Variants in PDS5B observed in about 807,000 individuals in gnomAD.
The protein encoded by PDS5B is PDS5 cohesin associated factor B, also known as sister chromatid cohesion protein PDS5 homolog B.
In PDS5B, 51 loss-of-function variants were observed where a neutral mutation model predicts 184.1. The observed-to-expected ratio is 0.28, with a 90% CI of 0.22 to 0.35. The LOEUF is 0.35. PDS5B is among the 10% of genes least tolerant of loss of function. The pLI, the probability that PDS5B is intolerant of heterozygous loss-of-function variation, is 1.00. For synonymous variants in PDS5B, 566 were observed against 569.2 expected, an observed-to-expected ratio of 0.99 and a Z score of 0.08; for missense variants, 1,180 against 1,723.3, an observed-to-expected ratio of 0.68 and a Z score of 5.58.
At chr13:32,716,963 G>A (rs1423395825) in intron 19 of PDS5B, among the ~76,000 whole-genome samples, 1 of 119,410 alleles carries the variant, frequency 8.4e-6, no homozygotes, top group African/African-American at 3.3e-5. Context: ...CGTCCGGGAG[G>A]GAGGTGGGGG....
chr13:32,724,122 G>T (rs1298624601), intron 19 of PDS5B, among the ~76,000 whole-genome samples: 1 of 152,074 alleles, frequency 6.6e-6, no homozygotes, highest in African/African-American at 2.4e-5. Context: ...ATGTGTTTTT[G>T]TTGTTGTTGT....
intron 11 of PDS5B, among the ~76,000 whole-genome samples, chr13:32,686,492 T>G (rs1322033007): frequency 6.6e-6 from 1 of 152,192 alleles, no homozygotes; most frequent in Non-Finnish European, 1.5e-5. Flanking sequence ...TTTTAATGTT[T>G]GGTTTCTTGA....
At chr13:32,606,511 G>A (rs1009506819) in intron 1 of PDS5B, among the ~76,000 whole-genome samples, 7 of 152,050 alleles carry the variant, frequency 4.6e-5, no homozygotes, top group African/African-American at 1.4e-4. Flanking sequence ...TTTTTCCTTT[G>A]TTTCAACTTT....
At chr13:32,633,729 A>G (rs1349085275) in intron 1 of PDS5B, among the ~76,000 whole-genome samples, 2 of 152,104 alleles carry the variant, frequency 1.3e-5, no homozygotes, top group Non-Finnish European at 2.9e-5. Context: ...CAGTTTACTC[A>G]TTATTAATAT....
intron 25 of PDS5B, among the ~76,000 whole-genome samples, chr13:32,754,819 T>TG (rs1222385997): frequency 6.6e-6 from 1 of 152,166 alleles, no homozygotes; most frequent in Non-Finnish European, 1.5e-5. Flanking sequence ...TGTTAGCCAT[T>TG]CTTATTTTGG....
chr13:32,608,067 A>G (rs1273506991), intron 1 of PDS5B, among the ~76,000 whole-genome samples: 1 of 152,182 alleles, frequency 6.6e-6, no homozygotes, highest in African/African-American at 2.4e-5. Context: ...GACAAGCCCC[A>G]GTGAGATGAA....
At chr13:32,655,374 A>ATATATTTTTTTTTTT in intron 3 of PDS5B, among the ~76,000 whole-genome samples, 1 of 72,484 alleles carries the variant, frequency 1.4e-5, no homozygotes, top group Non-Finnish European at 2.2e-5. Context: ...ATATATATAT[A>ATATATTTTTTTTTTT]TTTTTTTTTT....
chr13:32,640,823 G>T (rs1038763949), intron 1 of PDS5B, among the ~76,000 whole-genome samples: 2 of 151,788 alleles, frequency 1.3e-5, no homozygotes, highest in East Asian at 1.9e-4. Flanking sequence ...GGGAGGCCGA[G>T]GCAGGCAGAT....
chr13:32,770,840 C>G (rs1012859465), intron 33 of PDS5B, 79 bp downstream of exon 33: 5 of 1,045,126 alleles, frequency 4.8e-6, no homozygotes, highest in Non-Finnish European at 5.7e-6. Context: ...ATACATATTG[C>G]TGTATTTAAA....
chr13:32,726,247 C>T (rs931248297), intron 19 of PDS5B, among the ~76,000 whole-genome samples: 1 of 151,888 alleles, frequency 6.6e-6, no homozygotes, highest in African/African-American at 2.4e-5. Context: ...CACTTTTCTT[C>T]ACCTTTTTTC....
chr13:32,708,771 A>G (rs1952110151), intron 18 of PDS5B, among the ~76,000 whole-genome samples: 1 of 151,708 alleles, frequency 6.6e-6, no homozygotes, highest in Admixed American at 6.6e-5. Context: ...ATCTACTGAC[A>G]TCTCTATCTT....
intron 25 of PDS5B, 142 bp downstream of exon 25, chr13:32,753,678 C>A: frequency 1.7e-6 from 1 of 574,338 alleles, no homozygotes; most frequent in Non-Finnish European, 3.0e-6. Context: ...AACTGCTTTT[C>A]ATTTAATATG....
rs1950853036 is a variant in PDS5B, at chr13:32,668,315, G to A, written c.705+471G>A. ...ATTTAGTAAAAGTTGCTTATCTATT[G>A]CTATTCCTGGGGTAGATTCCATATA... is the stretch of plus-strand genomic sequence containing the variant. On this transcript the variant is annotated intron_variant, in intron 7 of 34. Coordinates refer to ENST00000315596, the MANE Select transcript of PDS5B (RefSeq NM_015032.4). Among the ~76,000 whole-genome samples the A allele has an allele frequency of 2.0e-5, 3 of 152,110 alleles. No individual in the cohort carries two copies. The South Asian group carries it at 6.2e-4, about 31-fold the overall frequency.
At chr13:32,683,724 CT>C (rs1427844696) in intron 10 of PDS5B, among the ~76,000 whole-genome samples, 153 bp from the exon 11 acceptor site, 6 of 152,146 alleles carry the variant, frequency 3.9e-5, no homozygotes, top group Non-Finnish European at 8.8e-5. Context: ...AACTAATCTT[CT>C]TTCTTCCTTC....
chr13:32,658,110 A>T (rs892524178), intron 3 of PDS5B, 129 bp from the exon 4 acceptor site: 37 of 466,880 alleles, frequency 7.9e-5, no homozygotes, highest in Admixed American at 1.6e-4. Context: ...GCCAAATAAA[A>T]TTTTTTTCTG....
chr13:32,773,212 C>G lies in PDS5B; in HGVS notation c.4196C>G (p.Ala1399Gly), dbSNP rs776298861. 4 of 1,612,412 alleles carry G rather than the reference C, an allele frequency of 2.5e-6. No individual in the cohort carries two copies. The East Asian group carries it at 6.7e-5, about 27-fold the overall frequency. ...AGCCGTGTAGGACGCTCCAAACAAG[C>G]AGCTACTAAGGAAAATGATTCAAGT... is the stretch of plus-strand genomic sequence containing the variant. ...KNVRVGRSKQ[A>G]ATKENDSSEE... Residue 1399 changes from alanine (A) to glycine (G), a missense_variant, in exon 34 of 35, where the codon GCA becomes GGA. Transcript: ENST00000315596.
chr13:32,602,531 A>G (rs1258962813), intron 1 of PDS5B, among the ~76,000 whole-genome samples: 1 of 152,084 alleles, frequency 6.6e-6, no homozygotes, highest in African/African-American at 2.4e-5. Flanking sequence ...AAGTGTTTGT[A>G]TTGTGAATAG....
chr13:32,597,970 T>A (rs2057906438), intron 1 of PDS5B, among the ~76,000 whole-genome samples: 1 of 152,096 alleles, frequency 6.6e-6, no homozygotes, highest in African/African-American at 2.4e-5. Context: ...GCATTTAGTC[T>A]TTCCCCAGTA....
chr13:32,698,034 A>G (rs1257142319), intron 15 of PDS5B, among the ~76,000 whole-genome samples: 1 of 125,098 alleles, frequency 8.0e-6, no homozygotes. Context: ...CCTAAAAGAG[A>G]TCATTCCCTA....
Sources: allele counts gnomAD v4.1 joint callset (sites outside exome capture counted in the v4.1 genomes callset), GRCh38; gene constraint gnomAD v4.1.1; transcripts MANE v1.5; gene names NCBI Gene and HGNC (gene_info 2026-07-23, HGNC 2026-07-21).